Variants in OR13C2 observed in about 807,000 individuals in gnomAD.
OR13C2 encodes the protein olfactory receptor 13C2.
Under a neutral mutation model 12.8 loss-of-function variants are expected in OR13C2, and 9 were observed. The observed-to-expected ratio is 0.71, with a 90% CI of 0.43 to 1.23. The LOEUF (loss-of-function observed/expected upper bound fraction) is 1.23, where lower values mean the gene tolerates loss of function less well. OR13C2 is among the 50% of genes most tolerant of loss of function. OR13C2 has a pLI of 0.00. For missense variants in OR13C2, 333 were observed against 387.0 expected (o/e 0.86, Z 1.17); for synonymous variants, 110 against 138.0 (o/e 0.80, Z 1.42).
Position 104,605,420 on chromosome 9 carries a change from C to A in OR13C2, c.208G>T (p.Asp70Tyr). 6.2e-7 allele frequency: 1 copy of A among 1,611,858 alleles called. No individual in the cohort carries two copies. Among genetic ancestry groups the A allele is most frequent in the Non-Finnish European group, 8.5e-7 (1 of 1,179,316 alleles). Residue 70 changes from aspartate to tyrosine, a missense_variant, in exon 1 of 1, where the codon GAC becomes TAC. Asp to Tyr is a radical substitution (Grantham distance 160, BLOSUM62 -3). Coordinates refer to ENST00000542196, the MANE Select transcript of OR13C2 (RefSeq NM_001004481.1). Reference protein sequence around the residue: ...YFFLGNLSFLDICYTTTSIPS... With the variant: ...YFFLGNLSFLYICYTTTSIPS... ...ATAGAGGTGGTGGTGTAGCAGATGT[C>A]CAAGAAGGAGAGGTTCCCCAGAAAG...
Position 104,605,443 on chromosome 9 carries a change from A to G in OR13C2, c.185T>C (p.Phe62Ser). The change falls in exon 1 of 1, where the codon TTT (phenylalanine) becomes TCT (serine). Residue 62 changes from phenylalanine to serine, a missense_variant. By Grantham distance (155) the Phe-to-Ser change is radical (BLOSUM62 -2). Transcript: ENST00000542196. ...DPHLHTPMYF[F>S]LGNLSFLDIC... Reference sequence around the variant, plus strand: ...GTCCAAGAAGGAGAGGTTCCCCAGAAAGAAGTACATAGGGGTGTGAAGGTG... The same window carrying G: ...GTCCAAGAAGGAGAGGTTCCCCAGAGAGAAGTACATAGGGGTGTGAAGGTG... The G allele has an allele frequency of 6.2e-7, 1 of 1,611,698 alleles. No individual in the cohort carries two copies. Among genetic ancestry groups the G allele is most frequent in the South Asian group, 1.1e-5 (1 of 90,992 alleles).
Position 104,605,331 on chromosome 9 carries a change from C to T in OR13C2, c.297G>A (p.Val99=), listed in dbSNP as rs1851715. 0.22 allele frequency: 359,207 copies of T among 1,609,682 alleles called. 30,051 individuals carry two copies. The highest frequency in any genetic ancestry group is 0.55 in the East Asian group (24,493 of 44,696). The change falls in exon 1 of 1, where the codon GTG becomes GTA. Residue 99 remains valine, a synonymous_variant. Coordinates refer to ENST00000542196, the MANE Select transcript of OR13C2 (RefSeq NM_001004481.1). The stretch of plus-strand genomic sequence containing the variant: ...CCATGGCCAAGCCGAGGAACATCTG[C>T]ACTGCACAGCCAGAAAGGGAAATGG... ...RKTISLSGCA[V]QMFLGLAMGT...
In OR13C2 at chr9:104,605,102, G is replaced by C. The variant is rs149514294; in HGVS notation, c.526C>G (p.His176Asp). 3 of 1,598,100 alleles carry C rather than the reference G, an allele frequency of 1.9e-6. No individual in the cohort carries two copies. The highest frequency in any genetic ancestry group is 1.1e-5 in the South Asian group (1 of 90,350). ...ACAGCCAGAATTTCACAGGTGAAATGATTGATGATGTTATTCCTGCAGAAA... is the reference window on the plus strand; with the variant it reads ...ACAGCCAGAATTTCACAGGTGAAATCATTGATGATGTTATTCCTGCAGAAA... The part of the protein sequence containing the change: ...LPFCRNNIIN[H>D]FTCEILAVMK... Residue 176 changes from histidine to aspartate, a missense_variant, in exon 1 of 1, where the codon CAT becomes GAT. Transcript: ENST00000542196.
Position 104,605,532 on chromosome 9 carries a change from G to A in OR13C2, c.96C>T (p.Phe32=). 6.4e-7 allele frequency: 1 copy of A among 1,574,330 alleles called. No homozygotes were observed. The highest frequency in any genetic ancestry group is 8.6e-7 in the Non-Finnish European group (1 of 1,156,424). ...RLELLFFVLI[F]IMYVVILLGN... is the part of the protein sequence containing the mutation. ...CCAGAAGGATGACCACATACATTAT[G>A]AAGATGAGCACAAAAAAGAGTAACT... Residue 32 remains phenylalanine (F), a synonymous_variant, in exon 1 of 1, where the codon TTC becomes TTT. Coordinates refer to ENST00000542196, the MANE Select transcript of OR13C2 (RefSeq NM_001004481.1).
chr9:104,604,775 C>A lies in OR13C2; in HGVS notation c.853G>T (p.Gly285Trp). 2 of 1,613,326 alleles carry A rather than the reference C, an allele frequency of 1.2e-6. No individual in the cohort carries two copies. The highest frequency in any genetic ancestry group is 1.7e-6 in the Non-Finnish European group (2 of 1,179,900). The change falls in exon 1 of 1, where the codon GGG becomes TGG. Residue 285 changes from glycine to tryptophan, a missense_variant. Coordinates refer to ENST00000542196, the MANE Select transcript of OR13C2 (RefSeq NM_001004481.1). ...ATDKIISMFY[G>W]VMTPMMNPLI... ...GGATTCATCATGGGAGTCATCACCC[C>A]ATAGAACATGGATATAATTTTGTCG...
At position 104,604,971 on chromosome 9, in the gene OR13C2, C is replaced by T. The variant is rs571585015; in HGVS notation, c.657G>A (p.Thr219=). ...TPLLLIIVSY[T]LIIVSIFKIS... ...TTTTGAAGATGCTCACAATGATTAA[C>T]GTGTAAGAGACAATGATTAATAACA... The change falls in exon 1 of 1, where the codon ACG becomes ACA. Residue 219 remains threonine, a synonymous_variant. Coordinates refer to ENST00000542196, the MANE Select transcript of OR13C2 (RefSeq NM_001004481.1). 37 of 1,613,426 alleles carry T rather than the reference C, an allele frequency of 2.3e-5. No homozygotes were observed. Among genetic ancestry groups the T allele is most frequent in the Admixed American group, 6.7e-5 (4 of 59,962 alleles).
chr9:104,605,015 A>G lies in OR13C2; in HGVS notation c.613T>C (p.Leu205=), dbSNP rs750749379. 1.2e-6 allele frequency: 2 copies of G among 1,613,656 alleles called. No individual in the cohort carries two copies. Among genetic ancestry groups the G allele is most frequent in the Non-Finnish European group, 1.7e-6 (2 of 1,179,974 alleles). ...NEFIMLVATT[L]FILTPLLLII... ...AATAACAAAGGTGTCAATATGAACA[A>G]TGTTGTGGCCACAAGCATGATGAAC... The change falls in exon 1 of 1, where the codon TTG becomes CTG. Residue 205 remains leucine (L), a synonymous_variant. Coordinates refer to ENST00000542196, the MANE Select transcript of OR13C2 (RefSeq NM_001004481.1).
chr9:104,604,866 G>C lies in OR13C2; in HGVS notation c.762C>G (p.Thr254=). The change falls in exon 1 of 1, where the codon ACC becomes ACG. Residue 254 remains threonine, a synonymous_variant. Transcript: ENST00000542196. Reference sequence around the variant, plus strand: ...TGGGCTTCATGTACATGAAGAGGATGGTCCCATAGAATATTATGACCACAG... The same window carrying C: ...TGGGCTTCATGTACATGAAGAGGATCGTCCCATAGAATATTATGACCACAG... ...HLTVVIIFYG[T]ILFMYMKPKS... The C allele has an allele frequency of 1.2e-6, 2 of 1,613,516 alleles. No individual in the cohort carries two copies. Among genetic ancestry groups the C allele is most frequent in the Non-Finnish European group, 1.7e-6 (2 of 1,179,936 alleles).
In OR13C2 at chr9:104,605,076, G is replaced by C. The variant is rs1826314231; in HGVS notation, c.552C>G (p.Val184=). 6.2e-7 allele frequency: 1 copy of C among 1,612,940 alleles called. No individual in the cohort carries two copies. The highest frequency in any genetic ancestry group is 8.5e-7 in the Non-Finnish European group (1 of 1,179,982). The change falls in exon 1 of 1, where the codon GTC becomes GTG. Residue 184 remains valine, a synonymous_variant. Coordinates refer to ENST00000542196, the MANE Select transcript of OR13C2 (RefSeq NM_001004481.1). ...AGATGTCAGCACAGGCCAGTTTCAT[G>C]ACAGCCAGAATTTCACAGGTGAAAT... ...INHFTCEILA[V]MKLACADISD...
In OR13C2 at chr9:104,605,169, AG is replaced by A; in HGVS notation, c.458del (p.Ala153ValfsTer33). ...ACACTGATTGTACTGCAGAATTGAC[AG>A]CTCCTATGATCCAGGACCCAGCTGC... ...PMAAGSWIIG[A>X]VNSAVQSVFV... On this transcript the variant is annotated frameshift_variant, in exon 1 of 1. Coordinates refer to ENST00000542196, the MANE Select transcript of OR13C2 (RefSeq NM_001004481.1). LOFTEE classifies it high-confidence loss of function. 5 of 1,613,324 alleles carry A rather than the reference AG, an allele frequency of 3.1e-6. No homozygotes were observed. The highest frequency in any genetic ancestry group is 4.2e-6 in the Non-Finnish European group (5 of 1,179,940).
chr9:104,604,960 A>C lies in OR13C2; in HGVS notation c.668T>G (p.Val223Gly). Residue 223 changes from valine (V) to glycine (G), a missense_variant, in exon 1 of 1, where the codon GTG (valine) becomes GGG (glycine). Physicochemically the swap from Val to Gly is moderately radical, Grantham distance 109 (BLOSUM62 -3). Transcript: ENST00000542196. ...GGAAGAGCTAATTTTGAAGATGCTCACAATGATTAACGTGTAAGAGACAAT... is the reference window on the plus strand; with the variant it reads ...GGAAGAGCTAATTTTGAAGATGCTCCCAATGATTAACGTGTAAGAGACAAT... ...LIIVSYTLIIVSIFKISSSEG... is the reference protein window; with the variant it reads ...LIIVSYTLIIGSIFKISSSEG... 6.2e-7 allele frequency: 1 copy of C among 1,613,590 alleles called. No individual in the cohort carries two copies. Among genetic ancestry groups the C allele is most frequent in the Non-Finnish European group, 8.5e-7 (1 of 1,179,950 alleles).
Position 104,605,550 on chromosome 9 carries a change from G to C in OR13C2, c.78C>G (p.Leu26=). ...ACATTATGAAGATGAGCACAAAAAA[G>C]AGTAACTCAAGTCTTGGGTGACCAG... The part of the protein sequence containing the change: ...GLSGHPRLEL[L]FFVLIFIMYV... The change falls in exon 1 of 1, where the codon CTC becomes CTG. Residue 26 remains leucine, a synonymous_variant. Transcript: ENST00000542196. 1 of 1,595,574 alleles carries C rather than the reference G, an allele frequency of 6.3e-7. No individual in the cohort carries two copies. Among genetic ancestry groups the C allele is most frequent in the Non-Finnish European group, 8.5e-7 (1 of 1,172,652 alleles).
chr9:104,605,253 AG>A lies in OR13C2; in HGVS notation c.374del (p.Ala125ValfsTer6), dbSNP rs1414424227. 1 of 1,613,708 alleles carries A rather than the reference AG, an allele frequency of 6.2e-7. No individual in the cohort carries two copies. Among genetic ancestry groups the A allele is most frequent in the Admixed American group, 1.7e-5 (1 of 59,986 alleles). ...LGMMAFDRYV[A>X]ICNPLRYPII... The stretch of plus-strand genomic sequence containing the variant: ...TGGGATATCTCAGAGGGTTGCAGAT[AG>A]CCACATAGCGGTCAAAGGCCATCAT... On this transcript the variant is annotated frameshift_variant, in exon 1 of 1. Transcript: ENST00000542196. LOFTEE classifies it high-confidence loss of function.
chr9:104,605,569 T>C lies in OR13C2; in HGVS notation c.59A>G (p.His20Arg). 1 of 1,568,804 alleles carries C rather than the reference T, an allele frequency of 6.4e-7. No homozygotes were observed. Among genetic ancestry groups the C allele is most frequent in the Non-Finnish European group, 8.6e-7 (1 of 1,163,984 alleles). ...VEFFLKGLSGHPRLELLFFVL... is the reference protein window; with the variant it reads ...VEFFLKGLSGRPRLELLFFVL... The stretch of plus-strand genomic sequence containing the variant: ...AAAAAAGAGTAACTCAAGTCTTGGG[T>C]GACCAGAAAGTCCCTTCAGAAAAAA... The change falls in exon 1 of 1, where the codon CAC becomes CGC. Residue 20 changes from histidine to arginine, a missense_variant. Physicochemically the swap from His to Arg is conservative, Grantham distance 29 (BLOSUM62 0). Coordinates refer to ENST00000542196, the MANE Select transcript of OR13C2 (RefSeq NM_001004481.1).
At position 104,604,690 on chromosome 9, in the gene OR13C2, C is replaced by T; in HGVS notation, c.938G>A (p.Arg313Lys). 1.2e-6 allele frequency: 2 copies of T among 1,609,478 alleles called. No homozygotes were observed. Among genetic ancestry groups the T allele is most frequent in the Non-Finnish European group, 1.7e-6 (2 of 1,177,834 alleles). ...VKEAVKHLLN[R>K]RFFSK ...TTGCACTCACTTGCTAAAGAACCTT[C>T]TGTTCAGTAGGTGTTTTACTGCCTC... Residue 313 changes from arginine (R) to lysine (K), a missense_variant, in exon 1 of 1, where the codon AGA (arginine) becomes AAA (lysine). Arg to Lys is a conservative substitution (Grantham distance 26). Coordinates refer to ENST00000542196, the MANE Select transcript of OR13C2 (RefSeq NM_001004481.1).
Position 104,604,859 on chromosome 9 carries a change from A to T in OR13C2, c.769T>A (p.Phe257Ile). 1 of 1,613,562 alleles carries T rather than the reference A, an allele frequency of 6.2e-7. No individual in the cohort carries two copies. Among genetic ancestry groups the T allele is most frequent in the South Asian group, 1.1e-5 (1 of 91,078 alleles). Residue 257 changes from phenylalanine to isoleucine, a missense_variant, in exon 1 of 1, where the codon TTC (phenylalanine) becomes ATC (isoleucine). Coordinates refer to ENST00000542196, the MANE Select transcript of OR13C2 (RefSeq NM_001004481.1). Reference protein sequence around the residue: ...VVIIFYGTILFMYMKPKSKET... With the variant: ...VVIIFYGTILIMYMKPKSKET... Reference sequence around the variant, plus strand: ...TTAGACTTGGGCTTCATGTACATGAAGAGGATGGTCCCATAGAATATTATG... The same window carrying T: ...TTAGACTTGGGCTTCATGTACATGATGAGGATGGTCCCATAGAATATTATG...
rs78524552 is a variant in OR13C2, at chr9:104,605,082, C to T, written c.546G>A (p.Leu182=). Residue 182 remains leucine, a synonymous_variant, in exon 1 of 1, where the codon CTG becomes CTA. Transcript: ENST00000542196. ...CAGCACAGGCCAGTTTCATGACAGC[C>T]AGAATTTCACAGGTGAAATGATTGA... ...NIINHFTCEI[L]AVMKLACADI... is the part of the protein sequence containing the mutation. 189 of 1,611,964 alleles carry T rather than the reference C, an allele frequency of 1.2e-4. 1 individual carries two copies. The highest frequency in any genetic ancestry group is 1.7e-4 in the Middle Eastern group (1 of 6,056).
rs144970361 is a variant in OR13C2 at position 104,604,978 on chromosome 9, G to C, written c.650C>G (p.Ser217Cys). The change falls in exon 1 of 1, where the codon TCT (serine) becomes TGT (cysteine). Residue 217 changes from serine to cysteine, a missense_variant. Coordinates refer to ENST00000542196, the MANE Select transcript of OR13C2 (RefSeq NM_001004481.1). ...GATGCTCACAATGATTAACGTGTAAGAGACAATGATTAATAACAAAGGTGT... is the reference window on the plus strand; with the variant it reads ...GATGCTCACAATGATTAACGTGTAACAGACAATGATTAATAACAAAGGTGT... ...ILTPLLLIIV[S>C]YTLIIVSIFK... 10 of 1,613,464 alleles carry C rather than the reference G, an allele frequency of 6.2e-6. No homozygotes were observed. In the African/African-American group the frequency reaches 1.3e-4, roughly 22 times the overall value.
Position 104,604,941 on chromosome 9 carries a change from G to T in OR13C2, c.687C>A (p.Ser229Arg), listed in dbSNP as rs144896484. The change falls in exon 1 of 1, where the codon AGC becomes AGA. Residue 229 changes from serine to arginine, a missense_variant. Coordinates refer to ENST00000542196, the MANE Select transcript of OR13C2 (RefSeq NM_001004481.1). ...TLIIVSIFKI[S>R]SSEGRSKASS... ...AAGCTTTGCTTCTCCCCTCGGAAGA[G>T]CTAATTTTGAAGATGCTCACAATGA... 2.6e-4 allele frequency: 412 copies of T among 1,613,606 alleles called. 18 individuals are homozygous for T. The African/African-American group carries it at 5.1e-3, about 20-fold the overall frequency.
Sources: allele counts gnomAD v4.1 joint callset, GRCh38; gene constraint gnomAD v4.1.1; transcripts MANE v1.5; gene names NCBI Gene and HGNC (gene_info 2026-07-23, HGNC 2026-07-21).